MAGEA11: variants seen among roughly 807,000 people sequenced by gnomAD.
The protein encoded by MAGEA11 is melanoma-associated antigen 11.
Under a neutral mutation model 8.4 loss-of-function variants are expected in MAGEA11, and 1 was observed. That is an observed-to-expected ratio of 0.12 (90% confidence interval 0.04 to 0.57). The LOEUF (loss-of-function observed/expected upper bound fraction) is 0.57. Ranked by LOEUF, MAGEA11 falls within the 20% of genes least tolerant of loss-of-function variation. MAGEA11 has a pLI of 0.91. For synonymous variants in MAGEA11, 127 were observed against 119.3 expected (o/e 1.06, Z -0.42); for missense variants, 209 against 317.3 (o/e 0.66, Z 2.59).
intron 1 of MAGEA11, chrX:149,689,124 G>C (rs1770527865): frequency 1.9e-6 from 1 of 516,777 alleles, no homozygotes; most frequent in Non-Finnish European, 3.1e-6. Context: ...CATGGTTTCT[G>C]CGTCCTTGTC....
intron 1 of MAGEA11, among the ~76,000 whole-genome samples, chrX:149,701,743 A>G (rs1262402996): frequency 9.0e-5 from 10 of 110,815 alleles, no homozygotes; most frequent in Admixed American, 7.7e-4. Context: ...TAATTTTTGT[A>G]TAAGGTGTAA....
At chrX:149,713,944 G>C (rs1428298152) in intron 2 of MAGEA11, 1 of 113,203 alleles carries the variant, frequency 8.8e-6, no homozygotes, top group Admixed American at 9.3e-5. Flanking sequence ...AGTTGGGGAG[G>C]CATGTGCCAT....
upstream of MAGEA11, among the ~76,000 whole-genome samples, chrX:149,711,046 A>G (rs943013764): frequency 9.0e-6 from 1 of 111,468 alleles, no homozygotes; most frequent in Non-Finnish European, 1.9e-5. Context: ...CTCAGACCAC[A>G]GGTGCCAGTA....
In MAGEA11 at chrX:149,716,771, G is replaced by A. The variant is rs781827447; in HGVS notation, c.1285G>A (p.Val429Ile). 3.5e-5 allele frequency: 41 copies of A among 1,187,855 alleles called. No homozygotes were observed. The highest frequency in any genetic ancestry group is 4.3e-5 in the Non-Finnish European group (38 of 883,630). Residue 429 changes from valine (V) to isoleucine (I), a missense_variant, in exon 5 of 5, where the codon GTC becomes ATC. Val to Ile is a conservative substitution (Grantham distance 29). This residue lies in a region of MAGEA11 where 78 missense variants were observed against 178.8 expected (regional missense o/e 0.44). Transcript: ENST00000355220. ...EDALREEGEGV is the reference protein window; with the variant it reads ...EDALREEGEGI ...TGCTTTGAGAGAGGAGGGAGAGGGA[G>A]TCTGAGCATGAGATGCAACCAGGGC...
intron 1 of MAGEA11, among the ~76,000 whole-genome samples, chrX:149,695,749 G>A (rs1370283359): frequency 6.2e-5 from 7 of 112,385 alleles, no homozygotes; most frequent in African/African-American, 2.3e-4. Context: ...ATAATGTGTT[G>A]ACAAGGTGGT....
chrX:149,699,950 C>T (rs922224169), intron 1 of MAGEA11, among the ~76,000 whole-genome samples: 1 of 111,706 alleles, frequency 9.0e-6, no homozygotes, highest in Non-Finnish European at 1.9e-5. Flanking sequence ...CATAAGGCTG[C>T]AGGATGGAGG....
chrX:149,694,747 G>C (rs781824641), intron 1 of MAGEA11, among the ~76,000 whole-genome samples: 2 of 107,577 alleles, frequency 1.9e-5, no homozygotes, highest in South Asian at 8.4e-4. Context: ...TTTCGACAAA[G>C]TGTCACCCTT....
chrX:149,689,193 G>T (rs2090300447), intron 1 of MAGEA11, among the ~76,000 whole-genome samples: 1 of 111,793 alleles, frequency 8.9e-6, no homozygotes, highest in Non-Finnish European at 1.9e-5. Flanking sequence ...AGCAGATAAT[G>T]TCTGGAATAG....
chrX:149,703,032 C>T (rs1251268810), intron 1 of MAGEA11, among the ~76,000 whole-genome samples: 1 of 111,350 alleles, frequency 9.0e-6, no homozygotes, highest in Non-Finnish European at 1.9e-5. Flanking sequence ...TGAGGATTCC[C>T]ACAGGATAAG....
chrX:149,707,236 T>C (rs2090381251), upstream of MAGEA11, among the ~76,000 whole-genome samples: 1 of 112,432 alleles, frequency 8.9e-6, no homozygotes, highest in Admixed American at 9.3e-5. Context: ...AAATGAATAC[T>C]GAGCATGTAT....
At chrX:149,707,250 G>T (rs1282238108), upstream of MAGEA11, among the ~76,000 whole-genome samples, 2 of 112,247 alleles carry the variant, frequency 1.8e-5, no homozygotes, top group Admixed American at 9.4e-5. Context: ...CATGTATTGT[G>T]TGCCAGGCAC....
exon 1 of MAGEA11, chrX:149,688,858 C>T: frequency 1.7e-6 from 1 of 588,121 alleles, no homozygotes; most frequent in Non-Finnish European, 2.6e-6. Flanking sequence ...TGTCTTGACC[C>T]CCAGTGGAGG....
At chrX:149,692,438 A>C (rs2090314399) in intron 1 of MAGEA11, among the ~76,000 whole-genome samples, 1 of 111,160 alleles carries the variant, frequency 9.0e-6, no homozygotes, top group African/African-American at 3.3e-5. Context: ...GTAGTCTTAA[A>C]GCCCCTAGTT....
chrX:149,688,537 C>G (rs2090295951), upstream of MAGEA11, among the ~76,000 whole-genome samples: 1 of 111,208 alleles, frequency 9.0e-6, no homozygotes, highest in Non-Finnish European at 1.9e-5. Flanking sequence ...GAACCAAAGA[C>G]AACAGGACAA....
chrX:149,708,313 T>A (rs1190416551), upstream of MAGEA11, among the ~76,000 whole-genome samples: 3 of 111,945 alleles, frequency 2.7e-5, no homozygotes, highest in African/African-American at 9.7e-5. Flanking sequence ...AAGGTCAGGA[T>A]CCAACTATTG....
chrX:149,705,897 C>G (rs781967669), intron 1 of MAGEA11, among the ~76,000 whole-genome samples: 2 of 108,901 alleles, frequency 1.8e-5, no homozygotes, highest in East Asian at 6.4e-4. Flanking sequence ...CCCCTAGCTG[C>G]TCTAGCCCTG....
intron 1 of MAGEA11, among the ~76,000 whole-genome samples, chrX:149,706,460 C>T (rs782589105): frequency 3.6e-5 from 4 of 111,924 alleles, no homozygotes; most frequent in South Asian, 3.8e-4. Flanking sequence ...AATGTGTGGG[C>T]ATTACATAGG....
At chrX:149,711,538 G>A (rs369251086), upstream of MAGEA11, among the ~76,000 whole-genome samples, 2 of 111,589 alleles carry the variant, frequency 1.8e-5, no homozygotes, top group African/African-American at 6.5e-5. Flanking sequence ...TCTGCAAGGG[G>A]TGCAGTTGGG....
At chrX:149,701,557 G>A (rs1167498630) in intron 1 of MAGEA11, among the ~76,000 whole-genome samples, 1 of 109,169 alleles carries the variant, frequency 9.2e-6, no homozygotes, top group Non-Finnish European at 1.9e-5. Context: ...CTGTGCAGAA[G>A]CTCTTTAGTT....
Sources: gnomAD v4.1 joint callset for allele counts (sites outside exome capture counted in the v4.1 genomes callset) on GRCh38, gnomAD v4.1.1 for gene constraint, gnomAD v4.1.1 regional missense constraint, MANE v1.5 for transcripts, NCBI Gene and HGNC (gene_info 2026-07-23, HGNC 2026-07-21) for gene names.